DOCK4: variants seen among roughly 807,000 people sequenced by gnomAD.
DOCK4 encodes dedicator of cytokinesis protein 4.
A neutral mutation model predicts 268.1 loss-of-function variants in DOCK4; 97 were observed. The ratio of observed to expected loss-of-function variants is 0.36; its 90% CI spans 0.31 to 0.43. DOCK4 has a LOEUF of 0.43. Ranked by LOEUF, DOCK4 falls within the 20% of genes least tolerant of loss-of-function variation. DOCK4 has a pLI of 1.00. For synonymous variants in DOCK4, 954 were observed against 887.2 expected (o/e 1.08, Z -1.34); for missense variants, 2,145 against 2,455.7 (o/e 0.87, Z 2.67).
chr7:111,910,984 A>C (rs768891190), intron 13 of DOCK4, among the ~76,000 whole-genome samples: 1 of 152,190 alleles, frequency 6.6e-6, no homozygotes, highest in Non-Finnish European at 1.5e-5. Context: ...TTCCCATTTC[A>C]AAAAGAGTCT....
At chr7:112,130,648 A>G (rs1003066813) in intron 1 of DOCK4, among the ~76,000 whole-genome samples, 1 of 152,242 alleles carries the variant, frequency 6.6e-6, no homozygotes, top group Admixed American at 6.5e-5. Context: ...TCAGAAAAAA[A>G]TACGCTCTGA....
chr7:111,798,872 A>G (rs977652376), intron 30 of DOCK4, among the ~76,000 whole-genome samples: 2 of 152,240 alleles, frequency 1.3e-5, no homozygotes, highest in African/African-American at 4.8e-5. Context: ...AAGGAAAGAT[A>G]TTCTCTTACC....
chr7:112,129,400 C>T (rs967440586), intron 1 of DOCK4, among the ~76,000 whole-genome samples: 1 of 152,052 alleles, frequency 6.6e-6, no homozygotes. Flanking sequence ...TATAAAGGGG[C>T]AGCATAAGGG....
chr7:112,000,487 T>C lies in DOCK4; in HGVS notation c.162+7A>G, dbSNP rs779641929. 6.8e-6 allele frequency: 10 copies of C among 1,469,158 alleles called. 1 individual carries two copies. The South Asian group carries it at 1.0e-4, about 15-fold the overall frequency. 91.0% of individuals were successfully genotyped at this position (1,469,158 alleles called of 1,614,324 possible). ...TCATAATTATAGTTAGAAATAACAA[T>C]TTTTACCTTGATATTTGGGTTTTTT... On this transcript the variant is annotated splice_region_variant and intron_variant, in intron 3 of 52. Coordinates refer to ENST00000428084, the MANE Select transcript of DOCK4 (RefSeq NM_001363540.2).
At chr7:111,809,810 T>G (rs946080548) in intron 28 of DOCK4, among the ~76,000 whole-genome samples, 1 of 152,232 alleles carries the variant, frequency 6.6e-6, no homozygotes, top group Non-Finnish European at 1.5e-5. Context: ...AGTTCATTTT[T>G]GGAACTCCTT....
intron 39 of DOCK4, among the ~76,000 whole-genome samples, chr7:111,761,943 A>AAG (rs1797432980): frequency 6.6e-6 from 1 of 152,214 alleles, no homozygotes; most frequent in South Asian, 2.1e-4. Context: ...GGTAAAATAA[A>AAG]ACACAATACA....
At chr7:112,058,887 A>G (rs1256638307) in intron 1 of DOCK4, among the ~76,000 whole-genome samples, 1 of 151,424 alleles carries the variant, frequency 6.6e-6, no homozygotes, top group East Asian at 1.9e-4. Context: ...GAAGGCAGAA[A>G]GAAGAAGGAA....
At chr7:112,177,453 T>C (rs372699655) in intron 1 of DOCK4, among the ~76,000 whole-genome samples, 20 of 152,344 alleles carry the variant, frequency 1.3e-4, no homozygotes, top group Admixed American at 1.0e-3. Flanking sequence ...AATATCTTTA[T>C]GGATTTGCAA....
At chr7:111,784,159 T>G (rs1189547990) in intron 32 of DOCK4, 36 bp from the exon 33 acceptor site, 1 of 1,555,776 alleles carries the variant, frequency 6.4e-7, no homozygotes, top group African/African-American at 1.3e-5. Context: ...AAATTGATTT[T>G]CAGATTATCC....
intron 1 of DOCK4, among the ~76,000 whole-genome samples, chr7:112,139,183 AC>A (rs1311269668): frequency 6.6e-6 from 1 of 152,200 alleles, no homozygotes; most frequent in Admixed American, 6.5e-5. Context: ...CAATTTGTGT[AC>A]ATTAAGAACC....
chr7:112,044,724 G>C (rs73432750), intron 1 of DOCK4, among the ~76,000 whole-genome samples: 1 of 152,014 alleles, frequency 6.6e-6, no homozygotes, highest in Non-Finnish European at 1.5e-5. Context: ...TAGTTGTTCA[G>C]GCCCCAAACC....
intron 1 of DOCK4, among the ~76,000 whole-genome samples, chr7:112,134,376 TG>T (rs1431736313): frequency 6.6e-6 from 1 of 152,158 alleles, no homozygotes; most frequent in Admixed American, 6.5e-5. Context: ...CAATAAACTG[TG>T]GAAGGTATAA....
At chr7:111,930,921 G>C (rs146210061) in intron 12 of DOCK4, among the ~76,000 whole-genome samples, 28 of 152,306 alleles carry the variant, frequency 1.8e-4, no homozygotes, top group African/African-American at 6.7e-4. Context: ...CTTTAAATTA[G>C]TTTTTAGGCT....
At chr7:112,181,696 T>C (rs978703204) in intron 1 of DOCK4, among the ~76,000 whole-genome samples, 7 of 118,174 alleles carry the variant, frequency 5.9e-5, no homozygotes, top group African/African-American at 2.3e-4. Flanking sequence ...ACTATTTAAA[T>C]AAAGTATGAT....
chr7:111,825,132 A>G (rs1802295804), intron 26 of DOCK4, among the ~76,000 whole-genome samples: 1 of 152,140 alleles, frequency 6.6e-6, no homozygotes, highest in Non-Finnish European at 1.5e-5. Flanking sequence ...TTGTAGTTAG[A>G]GGAGATTAAA....
intron 1 of DOCK4, among the ~76,000 whole-genome samples, chr7:112,190,002 A>T (rs1819804599): frequency 6.6e-6 from 1 of 152,056 alleles, no homozygotes; most frequent in Middle Eastern, 3.2e-3. Flanking sequence ...CTTCTCTCAC[A>T]AACACTTGTT....
rs1808686455 is a variant in DOCK4, at chr7:111,895,650, T to C, written c.1549A>G (p.Thr517Ala). 3.1e-6 allele frequency: 5 copies of C among 1,613,778 alleles called. No homozygotes were observed. The highest frequency in any genetic ancestry group is 4.2e-6 in the Non-Finnish European group (5 of 1,179,860). ...FVPLMQEDGR[T>A]LPDGTHELIV... ...AGCTCATGAGTGCCATCTGGAAGAG[T>C]CCTACCATCTTCTTGCATCAGAGGG... is the stretch of plus-strand genomic sequence containing the variant. Residue 517 changes from threonine to alanine, a missense_variant, in exon 16 of 53, where the codon ACT becomes GCT. By Grantham distance (58) the Thr-to-Ala change is moderately conservative (BLOSUM62 0). Around this residue, in one of 2 missense-constraint regions of DOCK4, gnomAD observed 1,598 missense variants for 1,986.7 expected, o/e 0.80. Transcript: ENST00000428084.
intron 4 of DOCK4, 83 bp downstream of exon 4, chr7:111,998,365 G>C: frequency 9.1e-7 from 1 of 1,099,110 alleles, no homozygotes; most frequent in African/African-American, 1.6e-5. Flanking sequence ...CATTTTTCAA[G>C]ACAATTACTA....
At chr7:111,952,491 T>C (rs1390839132) in intron 8 of DOCK4, among the ~76,000 whole-genome samples, 1 of 152,224 alleles carries the variant, frequency 6.6e-6, no homozygotes, top group Non-Finnish European at 1.5e-5. Context: ...TATTTTTATA[T>C]TTCACATAAA....
Sources: gnomAD v4.1 joint callset for allele counts (sites outside exome capture counted in the v4.1 genomes callset) on GRCh38, gnomAD v4.1.1 for gene constraint, gnomAD v4.1.1 regional missense constraint, MANE v1.5 for transcripts, NCBI Gene and HGNC (gene_info 2026-07-23, HGNC 2026-07-21) for gene names.